Variants in TRPM2 observed in about 807,000 individuals in gnomAD.
The protein encoded by TRPM2 is transient receptor potential cation channel subfamily M member 2.
A neutral mutation model predicts 174.0 loss-of-function variants in TRPM2; 161 were observed. That is an observed-to-expected ratio of 0.93 (90% CI 0.81 to 1.05). The LOEUF (loss-of-function observed/expected upper bound fraction) is 1.05, where lower values mean the gene tolerates loss of function less well. TRPM2 is among the 50% of genes least tolerant of loss of function. TRPM2 has a pLI of 0.00. For missense variants in TRPM2, 2,057 were observed against 2,038.0 expected (o/e 1.01, Z -0.18); for synonymous variants, 954 against 861.3 (o/e 1.11, Z -1.88).
intron 13 of TRPM2, 24 bp downstream of exon 13, chr21:44,397,900 G>A (rs759869348): frequency 1.3e-6 from 2 of 1,565,838 alleles, no homozygotes; most frequent in Non-Finnish European, 1.7e-6. Context: ...GGCACGGGCT[G>A]CAGGCCATGG....
At chr21:44,409,134 G>A (rs983300283) in intron 19 of TRPM2, among the ~76,000 whole-genome samples, 2 of 152,058 alleles carry the variant, frequency 1.3e-5, no homozygotes, top group East Asian at 1.9e-4. Flanking sequence ...TTTGATGCAC[G>A]AGCTTTTGAA....
Position 44,426,666 on chromosome 21 carries a change from T to G in TRPM2, c.3802T>G (p.Phe1268Val). 1 of 1,613,948 alleles carries G rather than the reference T, an allele frequency of 6.2e-7. No homozygotes were observed. Residue 1268 changes from phenylalanine to valine, a missense_variant, in exon 26 of 32, where the codon TTC (phenylalanine) becomes GTC (valine). Coordinates refer to ENST00000397928, the MANE Select transcript of TRPM2 (RefSeq NM_003307.4). ...PNEKVPWETE[F>V]LIYDPPFYTA... ...ACTCCCTGTTTTGCGACAGACGGAG[T>G]TCCTGATCTATGACCCACCCTTTTA... is the stretch of plus-strand genomic sequence containing the variant.
intron 16 of TRPM2, among the ~76,000 whole-genome samples, chr21:44,403,096 G>T (rs45451601): frequency 0.041 from 6,201 of 152,200 alleles, 347 homozygotes; most frequent in African/African-American, 0.12. Flanking sequence ...TCTTGCCACA[G>T]GGCTTCTGCC....
chr21:44,392,625 C>T (rs959304452), intron 11 of TRPM2, among the ~76,000 whole-genome samples: 3 of 152,030 alleles, frequency 2.0e-5, no homozygotes, highest in Admixed American at 6.5e-5. Flanking sequence ...AATGTGGCCT[C>T]GTTTAACCTT....
upstream of TRPM2, among the ~76,000 whole-genome samples, chr21:44,350,892 C>T (rs1206096532): frequency 6.6e-6 from 1 of 152,068 alleles, no homozygotes. Context: ...CCTGCCCGTC[C>T]GCCGGGACAG....
chr21:44,392,838 C>T (rs1420641235), intron 11 of TRPM2, among the ~76,000 whole-genome samples: 11 of 152,120 alleles, frequency 7.2e-5, no homozygotes, highest in South Asian at 2.1e-4. Context: ...TGGTTTTTTC[C>T]GACAGTCAGG....
In TRPM2 at chr21:44,409,569, A is replaced by G. The variant is rs1024788984; in HGVS notation, c.2962+2804A>G. On this transcript the variant is annotated intron_variant, in intron 19 of 31. Transcript: ENST00000397928. ...GCTGTCTTGGTTGGCATAGCCTTGT[A>G]GTAAGTTTTGACCGCACTGTCTTGG... is the stretch of plus-strand genomic sequence containing the variant. Among the ~76,000 whole-genome samples the G allele has an allele frequency of 6.7e-5, 10 of 149,648 alleles. 1 individual carries two copies. Among genetic ancestry groups the G allele is most frequent in the African/African-American group, 2.5e-4 (10 of 40,558 alleles).
intron 27 of TRPM2, among the ~76,000 whole-genome samples, chr21:44,428,360 C>G (rs769663396): frequency 1.6e-4 from 24 of 151,726 alleles, no homozygotes; most frequent in Non-Finnish European, 3.1e-4. Context: ...AAGATCTGGC[C>G]CCTCCCCTGA....
In TRPM2 at chr21:44,369,226, A is replaced by G. The variant is rs972282299; in HGVS notation, c.654A>G (p.Val218=). The part of the protein sequence containing the change: ...GGSHTGVMKQ[V]GEAVRDFSLS... ...CCCACACCGGCGTCATGAAGCAGGT[A>G]GGCGAGGCGGTGCGGGACTTCAGCC... is the stretch of plus-strand genomic sequence containing the variant. Residue 218 remains valine (V), a synonymous_variant, in exon 5 of 32, where the codon GTA becomes GTG. Transcript: ENST00000397928. 1 of 1,613,588 alleles carries G rather than the reference A, an allele frequency of 6.2e-7. No individual in the cohort carries two copies. The highest frequency in any genetic ancestry group is 1.3e-5 in the African/African-American group (1 of 75,030).
intron 29 of TRPM2, among the ~76,000 whole-genome samples, chr21:44,437,425 G>A (rs956613119): frequency 2.0e-5 from 3 of 152,214 alleles, no homozygotes; most frequent in African/African-American, 7.2e-5. Flanking sequence ...TGTGTCCCAG[G>A]CATGGGCTGG....
chr21:44,384,669 C>G (rs1004282999), intron 9 of TRPM2, among the ~76,000 whole-genome samples: 3 of 152,022 alleles, frequency 2.0e-5, no homozygotes, highest in Non-Finnish European at 4.4e-5. Flanking sequence ...AACACATGAA[C>G]TTTGGGGAAA....
chr21:44,386,892 A>C (rs2049032740), intron 9 of TRPM2, among the ~76,000 whole-genome samples: 1 of 152,222 alleles, frequency 6.6e-6, no homozygotes, highest in African/African-American at 2.4e-5. Context: ...GTAATGGTGT[A>C]AAGAAAGACA....
rs1324167096 is a variant in TRPM2 at position 44,397,760 on chromosome 21, TCGCAGCGGCCTTGGCCTGCAG to T, written c.1948_1968del (p.Ala650_Ser656del). The T allele has an allele frequency of 1.9e-6, 3 of 1,590,736 alleles. No homozygotes were observed. In the South Asian group the frequency reaches 3.4e-5, roughly 18 times the overall value. On this transcript the variant is annotated inframe_deletion, in exon 13 of 32. Coordinates refer to ENST00000397928, the MANE Select transcript of TRPM2 (RefSeq NM_003307.4). The stretch of plus-strand genomic sequence containing the variant: ...TCTGGTCCCCAGAGCCAGGACTGCA[TCGCAGCGGCCTTGGCCTGCAG>T]CAAGATCCTGAAGGAACTGTCCAAG...
Position 44,382,814 on chromosome 21 carries a change from C to T in TRPM2, c.1312C>T (p.Leu438=). The T allele has an allele frequency of 6.2e-7, 1 of 1,612,908 alleles. No homozygotes were observed. The highest frequency in any genetic ancestry group is 8.5e-7 in the Non-Finnish European group (1 of 1,179,654). ...GGATGTGGCCATCTTGCAGGCCTTG[C>T]TGAAAGGTGAGGGTCAGGGAACATG... is the stretch of plus-strand genomic sequence containing the variant. ...DVDVAILQAL[L]KASRSQDHFG... The change falls in exon 9 of 32, where the codon CTG becomes TTG. Residue 438 remains leucine (L), a synonymous_variant. Coordinates refer to ENST00000397928, the MANE Select transcript of TRPM2 (RefSeq NM_003307.4).
chr21:44,370,649 C>T (rs2048510119), intron 5 of TRPM2, among the ~76,000 whole-genome samples: 2 of 152,238 alleles, frequency 1.3e-5, no homozygotes, highest in South Asian at 4.1e-4. Context: ...GGGCAGAGGA[C>T]ACTCCCAGAT....
chr21:44,425,750 GTGAATGCCCGGCACCTCC>G lies in TRPM2; in HGVS notation c.3720_3737del (p.Asn1241_Leu1246del), dbSNP rs1569106081. ...GGAGGAGCCGGGCGACAGCTACCAC[GTGAATGCCCGGCACCTCC>G]TCTACCCCAACTGCCCTGTCACGCG... On this transcript the variant is annotated inframe_deletion, in exon 25 of 32. Transcript: ENST00000397928. The G allele has an allele frequency of 6.3e-7, 1 of 1,594,310 alleles. No individual in the cohort carries two copies. Among genetic ancestry groups the G allele is most frequent in the East Asian group, 2.3e-5 (1 of 44,230 alleles).
At position 44,375,949 on chromosome 21, in the gene TRPM2, G is replaced by A; in HGVS notation, c.888G>A (p.Gly296=). The A allele has an allele frequency of 2.5e-6, 4 of 1,614,102 alleles. No homozygotes were observed. Among genetic ancestry groups the A allele is most frequent in the Non-Finnish European group, 3.4e-6 (4 of 1,180,014 alleles). ...ACGACGGGACCCACGGCCAGTACGG[G>A]GTGGAGATTCCTCTGAGGACCAGGC... The part of the protein sequence containing the change: ...LVDDGTHGQY[G]VEIPLRTRLE... The change falls in exon 6 of 32, where the codon GGG becomes GGA. Residue 296 remains glycine, a synonymous_variant. Coordinates refer to ENST00000397928, the MANE Select transcript of TRPM2 (RefSeq NM_003307.4).
chr21:44,396,324 A>C (rs899770339), intron 12 of TRPM2, among the ~76,000 whole-genome samples: 24 of 7,176 alleles, frequency 3.3e-3, no homozygotes, highest in African/African-American at 7.0e-3. Context: ...GGTGTGGAGG[A>C]TGTGGAGGGG....
intron 5 of TRPM2, among the ~76,000 whole-genome samples, chr21:44,374,771 G>A (rs538815189): frequency 4.6e-5 from 7 of 152,090 alleles, no homozygotes; most frequent in African/African-American, 1.2e-4. Context: ...AGCTTCGCTC[G>A]TTCACCCACC....
Sources: gnomAD v4.1 joint callset for allele counts (sites outside exome capture counted in the v4.1 genomes callset) on GRCh38, gnomAD v4.1.1 for gene constraint, MANE v1.5 for transcripts, NCBI Gene and HGNC (gene_info 2026-07-23, HGNC 2026-07-21) for gene names.